The following C14orf93 variants were observed in gnomAD, a reference collection of about 807,000 sequenced individuals.
C14orf93 encodes the protein uncharacterized protein C14orf93.
In C14orf93, 23 loss-of-function variants were observed where a neutral mutation model predicts 44.0. The observed-to-expected ratio is 0.52, with a 90% CI of 0.38 to 0.74. The LOEUF is 0.74. Among genes scored for constraint, C14orf93 ranks in the 30% least tolerant of loss-of-function variants. C14orf93 has a pLI of 0.00. For missense variants in C14orf93, 579 were observed against 678.9 expected (o/e 0.85, Z 1.64); for synonymous variants, 253 against 265.7 (o/e 0.95, Z 0.46).
chr14:22,990,171 T>C (rs2045511746), intron 3 of C14orf93, 44 bp from the exon 4 acceptor site: 4 of 1,538,392 alleles, frequency 2.6e-6, no homozygotes, highest in African/African-American at 1.4e-5. Flanking sequence ...AGAGTGGATG[T>C]TATGAAAACT....
chr14:22,994,659 C>T (rs970172761), intron 3 of C14orf93, among the ~76,000 whole-genome samples: 3 of 148,964 alleles, frequency 2.0e-5, no homozygotes, highest in Non-Finnish European at 4.4e-5. Context: ...CCTGGGAAGT[C>T]GAAGCTGCAG....
chr14:23,003,939 T>A (rs2046490673), intron 1 of C14orf93, among the ~76,000 whole-genome samples: 1 of 103,712 alleles, frequency 9.6e-6, no homozygotes, highest in African/African-American at 3.7e-5. Context: ...AGACAGAGTC[T>A]CGCTCTGTCG....
intron 2 of C14orf93, among the ~76,000 whole-genome samples, chr14:22,997,412 T>C (rs564825097): frequency 1.3e-5 from 2 of 152,152 alleles, no homozygotes; most frequent in Admixed American, 6.5e-5. Flanking sequence ...TGGGTGTCTA[T>C]GTCTTGTTGT....
chr14:23,010,135 T>C lies in C14orf93; in HGVS notation c.-414A>G, dbSNP rs1443409229. Reference sequence around the variant, plus strand: ...GTATGGCTCTTTGTATTCGTGTGTGTGCAAAAAGGAGGACTCGCGGAGCCC... The same window carrying C: ...GTATGGCTCTTTGTATTCGTGTGTGCGCAAAAAGGAGGACTCGCGGAGCCC... On this transcript the variant is annotated 5_prime_UTR_variant, in exon 1 of 7. Coordinates refer to ENST00000299088, the MANE Select transcript of C14orf93 (RefSeq NM_021944.4). 6.6e-6 allele frequency: 1 copy of C among 151,998 alleles called. No individual in the cohort carries two copies. The highest frequency in any genetic ancestry group is 2.4e-5 in the African/African-American group (1 of 41,398). 9.4% of individuals were successfully genotyped at this position (151,998 alleles called of 1,614,324 possible).
intron 3 of C14orf93, among the ~76,000 whole-genome samples, chr14:22,995,563 C>T (rs1226909819): frequency 1.3e-5 from 2 of 151,538 alleles, no homozygotes; most frequent in Non-Finnish European, 2.9e-5. Context: ...GCCTGTAATC[C>T]CAGCTACTCA....
chr14:22,990,386 A>G (rs2045525132), intron 3 of C14orf93, among the ~76,000 whole-genome samples: 1 of 152,036 alleles, frequency 6.6e-6, no homozygotes, highest in South Asian at 2.1e-4. Flanking sequence ...GGTCTCAAAC[A>G]TTTCCATGAA....
chr14:22,988,874 G>A (rs1354844875), intron 5 of C14orf93, among the ~76,000 whole-genome samples: 3 of 152,142 alleles, frequency 2.0e-5, no homozygotes, highest in Non-Finnish European at 4.4e-5. Context: ...GATTGCTTGA[G>A]CCCAGGAGTT....
At chr14:23,003,869 TATATATATATATATATATATATA>T (rs2046437965) in intron 1 of C14orf93, among the ~76,000 whole-genome samples, 1 of 12,400 alleles carries the variant, frequency 8.1e-5, no homozygotes, top group African/African-American at 4.0e-4. Context: ...TATATATATA[TATATATATATATATATATATATA>T]TATATATTTT....
chr14:22,998,173 C>T (rs1317719711), intron 2 of C14orf93: 13 of 429,570 alleles, frequency 3.0e-5, no homozygotes, highest in African/African-American at 1.2e-4. Context: ...AGGTGCCATG[C>T]GGAGCTACTG....
intron 1 of C14orf93, among the ~76,000 whole-genome samples, chr14:23,007,310 A>G (rs2046675378): frequency 6.6e-6 from 1 of 152,232 alleles, no homozygotes; most frequent in Non-Finnish European, 1.5e-5. Context: ...AGGGAGGGAC[A>G]AGACTGTGAG....
intron 1 of C14orf93, among the ~76,000 whole-genome samples, chr14:23,007,390 A>G (rs912558322): frequency 7.2e-5 from 11 of 152,202 alleles, no homozygotes; most frequent in African/African-American, 2.7e-4. Flanking sequence ...TCTGCTGCTC[A>G]CAAACCTGTG....
At chr14:22,998,189 G>C (rs1396850237) in intron 2 of C14orf93, 2 of 477,804 alleles carry the variant, frequency 4.2e-6, no homozygotes, top group Admixed American at 7.8e-5. Flanking sequence ...TACTGAGAGA[G>C]AGGGAAGGGC....
chr14:23,001,044 G>T (rs1297104485), intron 1 of C14orf93: 2 of 152,158 alleles, frequency 1.3e-5, no homozygotes, highest in Non-Finnish European at 2.9e-5. Flanking sequence ...GAAACTAAAG[G>T]TTAAACCAAA....
At position 22,995,229 on chromosome 14, in the gene C14orf93, C is replaced by T. The variant is rs1013187709; in HGVS notation, c.918+719G>A. Among the ~76,000 whole-genome samples the T allele has an allele frequency of 5.9e-5, 9 of 152,338 alleles. No individual in the cohort carries two copies. In the South Asian group the frequency reaches 1.9e-3, roughly 32 times the overall value. On this transcript the variant is annotated intron_variant, in intron 3 of 6. Coordinates refer to ENST00000299088, the MANE Select transcript of C14orf93 (RefSeq NM_021944.4). The stretch of plus-strand genomic sequence containing the variant: ...CTAGTGACTCTCTGCATCTCTGAAG[C>T]TTGAGACCACCTCAGGACAGCTTCA...
intron 3 of C14orf93, among the ~76,000 whole-genome samples, chr14:22,994,946 G>A (rs2045883055): frequency 6.6e-6 from 1 of 152,098 alleles, no homozygotes; most frequent in Non-Finnish European, 1.5e-5. Context: ...CCCACCAGTT[G>A]TAATAATCAC....
Position 23,008,115 on chromosome 14 carries a change from T to C in C14orf93, c.-380+1986A>G, listed in dbSNP as rs2046722320. On this transcript the variant is annotated intron_variant, in intron 1 of 6. Transcript: ENST00000299088. ...TTGCAGTGAGCCAAGATCGCACCAT[T>C]GCCACTGCAGCCTGGGCAACAAGAG... Among the ~76,000 whole-genome samples, 7 of 139,684 alleles carry C rather than the reference T, an allele frequency of 5.0e-5. No individual in the cohort carries two copies. The Admixed American group carries it at 5.8e-4, about 12-fold the overall frequency. 91.6% of individuals were successfully genotyped at this position (139,684 alleles called of 152,430 possible).
intron 2 of C14orf93, among the ~76,000 whole-genome samples, chr14:22,997,650 C>T (rs1347540095): frequency 5.3e-5 from 8 of 152,174 alleles, no homozygotes; most frequent in Admixed American, 6.5e-5. Context: ...ACTGAAATAG[C>T]ACAATGTACA....
rs2045315089 is a variant in C14orf93 at position 22,987,710 on chromosome 14, G to A, written c.1198-76C>T. On this transcript the variant is annotated intron_variant, in intron 6 of 6. Transcript: ENST00000299088. The surrounding 1 kb of genome is among the most constrained non-coding windows in gnomAD (Gnocchi z 5.6). ...TAGATTTGGGGAAAAGGTTTGGTGG[G>A]GAAGGCTGTGTAAAATCTGTGCCTA... 2 of 1,452,558 alleles carry A rather than the reference G, an allele frequency of 1.4e-6. No homozygotes were observed. Among genetic ancestry groups the A allele is most frequent in the Non-Finnish European group, 1.8e-6 (2 of 1,082,682 alleles). The allele number at this position is 1,452,558 out of a possible 1,614,324, so 90.0% of individuals were successfully genotyped here.
chr14:23,010,011 C>G (rs2046797538), intron 1 of C14orf93, 90 bp downstream of exon 1: 1 of 152,034 alleles, frequency 6.6e-6, no homozygotes, highest in Non-Finnish European at 1.5e-5. Flanking sequence ...GCAACAGTTT[C>G]CTCACCCCAA....
Sources: gnomAD v4.1 joint callset for allele counts (sites outside exome capture counted in the v4.1 genomes callset) on GRCh38, gnomAD v4.1.1 for gene constraint, Gnocchi (gnomAD v3.1) non-coding constraint, MANE v1.5 for transcripts, NCBI Gene and HGNC (gene_info 2026-07-23, HGNC 2026-07-21) for gene names.